Variants in DLG2 observed in about 807,000 individuals in gnomAD.
DLG2 encodes disks large homolog 2.
Under a neutral mutation model 132.5 loss-of-function variants are expected in DLG2, and 45 were observed. That is an observed-to-expected ratio of 0.34 (90% CI 0.27 to 0.44). The LOEUF (loss-of-function observed/expected upper bound fraction) is 0.44. Among genes scored for constraint, DLG2 ranks in the 20% least tolerant of loss-of-function variants. DLG2 has a pLI of 1.00. For synonymous variants in DLG2, 424 were observed against 419.6 expected (o/e 1.01, Z -0.13); for missense variants, 1,045 against 1,196.9 (o/e 0.87, Z 1.87).
intron 9 of DLG2, among the ~76,000 whole-genome samples, chr11:84,127,266 C>A (rs2094216164): frequency 6.6e-6 from 1 of 152,164 alleles, no homozygotes; most frequent in African/African-American, 2.4e-5. Context: ...TTGTTTAGGA[C>A]TAGGATTGAA....
chr11:85,239,390 C>A (rs904753599), intron 4 of DLG2, among the ~76,000 whole-genome samples: 1 of 151,948 alleles, frequency 6.6e-6, no homozygotes, highest in African/African-American at 2.4e-5. Flanking sequence ...TAAAAGATTT[C>A]TGTATATTTT....
At chr11:83,958,611 T>A (rs1279022645) in intron 14 of DLG2, among the ~76,000 whole-genome samples, 1 of 152,146 alleles carries the variant, frequency 6.6e-6, no homozygotes, top group African/African-American at 2.4e-5. Flanking sequence ...GCATTACCAA[T>A]TTTTTTGTTT....
At chr11:84,958,283 C>T (rs1288181989) in intron 6 of DLG2, among the ~76,000 whole-genome samples, 1 of 152,042 alleles carries the variant, frequency 6.6e-6, no homozygotes, top group Non-Finnish European at 1.5e-5. Context: ...AGCCAAAGGA[C>T]CAAATTCTAC....
chr11:85,309,596 A>C (rs770089353), intron 3 of DLG2, among the ~76,000 whole-genome samples: 8 of 152,168 alleles, frequency 5.3e-5, no homozygotes, highest in African/African-American at 1.2e-4. Context: ...ACAAAAGACA[A>C]GGCCCTTCAT....
At chr11:84,687,453 A>G (rs2099739131) in intron 6 of DLG2, among the ~76,000 whole-genome samples, 1 of 152,162 alleles carries the variant, frequency 6.6e-6, no homozygotes, top group Non-Finnish European at 1.5e-5. Context: ...CTAGCTTTCA[A>G]CATATTTTCC....
chr11:84,300,189 TCA>T (rs2098136481), intron 7 of DLG2, among the ~76,000 whole-genome samples: 1 of 152,112 alleles, frequency 6.6e-6, no homozygotes, highest in East Asian at 1.9e-4. Flanking sequence ...ATCTGATCAG[TCA>T]CATTGTTTTT....
At chr11:85,510,310 G>A (rs1404443464) in intron 3 of DLG2, among the ~76,000 whole-genome samples, 1 of 152,022 alleles carries the variant, frequency 6.6e-6, no homozygotes, top group Non-Finnish European at 1.5e-5. Flanking sequence ...TTAGGCATGG[G>A]CAAGGACTTC....
chr11:85,352,183 T>C (rs909618642), intron 3 of DLG2, among the ~76,000 whole-genome samples: 1 of 152,256 alleles, frequency 6.6e-6, no homozygotes, highest in Non-Finnish European at 1.5e-5. Context: ...CTAGATTTTC[T>C]AGTTTATTTG....
intron 16 of DLG2, among the ~76,000 whole-genome samples, chr11:83,872,269 A>G (rs1226663874): frequency 1.3e-5 from 2 of 152,132 alleles, no homozygotes; most frequent in African/African-American, 4.8e-5. Context: ...TCTCAAACAA[A>G]TTGGCGAGTT....
chr11:84,654,636 T>A (rs1252431954), intron 6 of DLG2, among the ~76,000 whole-genome samples: 1 of 152,216 alleles, frequency 6.6e-6, no homozygotes, highest in Non-Finnish European at 1.5e-5. Flanking sequence ...TGAATTGTAA[T>A]ATTTATTCAC....
At chr11:85,475,795 A>G (rs2093122359) in intron 3 of DLG2, among the ~76,000 whole-genome samples, 1 of 152,108 alleles carries the variant, frequency 6.6e-6, no homozygotes, top group African/African-American at 2.4e-5. Flanking sequence ...AGAGAAGCTC[A>G]ATGTCATCCA....
At chr11:85,027,758 C>A (rs1163601808) in intron 6 of DLG2, among the ~76,000 whole-genome samples, 1 of 152,200 alleles carries the variant, frequency 6.6e-6, no homozygotes, top group Non-Finnish European at 1.5e-5. Context: ...CACAGTGGCA[C>A]TGGGAAGCTT....
intron 3 of DLG2, among the ~76,000 whole-genome samples, chr11:85,497,515 T>G (rs2093694306): frequency 6.6e-6 from 1 of 152,118 alleles, no homozygotes; most frequent in Non-Finnish European, 1.5e-5. Flanking sequence ...CAGGATATTA[T>G]CCAGGAGAAC....
intron 4 of DLG2, among the ~76,000 whole-genome samples, chr11:85,170,936 T>TAA (rs199820219): frequency 2.3e-4 from 30 of 130,414 alleles, no homozygotes; most frequent in East Asian, 9.0e-4. Flanking sequence ...GCATAACAAA[T>TAA]AAAAAAAAAA....
At chr11:85,059,333 A>C (rs2063788574) in intron 6 of DLG2, among the ~76,000 whole-genome samples, 1 of 151,540 alleles carries the variant, frequency 6.6e-6, no homozygotes. Context: ...GATTTGTATA[A>C]TCACTTTGGA....
At chr11:83,874,986 T>C (rs1349243263) in intron 15 of DLG2, among the ~76,000 whole-genome samples, 3 of 152,170 alleles carry the variant, frequency 2.0e-5, no homozygotes, top group Non-Finnish European at 4.4e-5. Flanking sequence ...CATTTCTTTA[T>C]GATGCAATGT....
intron 5 of DLG2, chr11:85,132,950 G>A (rs1341040724): frequency 1.2e-5 from 5 of 414,778 alleles, no homozygotes; most frequent in Admixed American, 5.3e-5. Context: ...GGAAACTCGA[G>A]CCCTCCTCCA....
At chr11:83,680,180 C>T (rs2078522098) in intron 18 of DLG2, among the ~76,000 whole-genome samples, 1 of 152,038 alleles carries the variant, frequency 6.6e-6, no homozygotes, top group Non-Finnish European at 1.5e-5. Context: ...AAACCACCAC[C>T]AAATGAGAAG....
intron 7 of DLG2, among the ~76,000 whole-genome samples, chr11:84,373,684 C>T (rs919813766): frequency 5.3e-5 from 8 of 152,168 alleles, no homozygotes; most frequent in South Asian, 2.1e-4. Flanking sequence ...AGTAAATAAT[C>T]GTTGAATTAT....
Sources: gnomAD v4.1 joint callset for allele counts (sites outside exome capture counted in the v4.1 genomes callset) on GRCh38, gnomAD v4.1.1 for gene constraint, MANE v1.5 for transcripts, NCBI Gene and HGNC (gene_info 2026-07-23, HGNC 2026-07-21) for gene names.